Variants in SNED1 observed in about 807,000 individuals in gnomAD.
SNED1 encodes the protein sushi, nidogen and EGF like domains 1.
SNED1 carries 81 observed loss-of-function variants against 166.7 expected under a neutral mutation model. The ratio of observed to expected loss-of-function variants is 0.49; its 90% CI spans 0.41 to 0.58. The LOEUF is 0.58. Ranked by LOEUF, SNED1 falls within the 20% of genes least tolerant of loss-of-function variation. SNED1 has a pLI of 0.00. For missense variants in SNED1, 1,604 were observed against 2,000.2 expected (o/e 0.80, Z 3.78); for synonymous variants, 762 against 822.0 (o/e 0.93, Z 1.25).
chr2:241,089,181 T>C (rs1187704332), intron 31 of SNED1: 1 of 1,022,590 alleles, frequency 9.8e-7, no homozygotes, highest in East Asian at 2.7e-5. Context: ...ACCAGTTTCA[T>C]ACTGACCATC....
Position 241,048,665 on chromosome 2 carries a change from TCC to T in SNED1, c.1406_1407del (p.Pro469ArgfsTer2). 6.2e-7 allele frequency: 1 copy of T among 1,608,266 alleles called. No individual in the cohort carries two copies. The highest frequency in any genetic ancestry group is 1.1e-5 in the South Asian group (1 of 89,628). ...CTCCTCCCTCTCTTCGTGGCAGGAG[TCC>T]CCGATGACTGTGAGTGCCGCAACGG... On this transcript the variant is annotated frameshift_variant, in exon 10 of 32. Coordinates refer to ENST00000310397, the MANE Select transcript of SNED1 (RefSeq NM_001080437.3). LOFTEE classifies it high-confidence loss of function.
rs141270290 is a variant in SNED1 at position 241,087,698 on chromosome 2, T to TGG, written c.4205+230_4205+231dup. 2.9e-6 allele frequency: 4 copies of TGG among 1,364,186 alleles called. No homozygotes were observed. In the African/African-American group the frequency reaches 5.9e-5, roughly 20 times the overall value. 84.5% of individuals were successfully genotyped at this position (1,364,186 alleles called of 1,614,324 possible). On this transcript the variant is annotated intron_variant, in intron 30 of 31. Transcript: ENST00000310397. The stretch of plus-strand genomic sequence containing the variant: ...GGGCACAGCCGGGCATGCTGGGTGC[T>TGG]GGGGGGGGTCACTCTGGTTATGCAT...
chr2:241,066,371 T>C (rs999832770), intron 21 of SNED1, among the ~76,000 whole-genome samples: 1 of 152,074 alleles, frequency 6.6e-6, no homozygotes, highest in Non-Finnish European at 1.5e-5. Context: ...AACATGGCAG[T>C]GGACGGACAG....
In SNED1 at chr2:241,040,278, C is replaced by T; in HGVS notation, c.1160-22C>T. On this transcript the variant is annotated intron_variant, in intron 7 of 31. Transcript: ENST00000310397. ...GGTTGTGGCCTGGCTCAAGCCAAGC[C>T]CGCACCTCTGCTGCCCCTCAGATGT... 1.9e-6 allele frequency: 3 copies of T among 1,583,530 alleles called. No individual in the cohort carries two copies. In the South Asian group the frequency reaches 3.5e-5, roughly 18 times the overall value.
In SNED1 at chr2:241,073,701, C is replaced by G. The variant is rs979631495; in HGVS notation, c.3916+337C>G. On this transcript the variant is annotated intron_variant, in intron 27 of 31. Transcript: ENST00000310397. This position sits in a 1 kb window ranked among gnomAD's most constrained non-coding sequence, Gnocchi z 6.6. Reference sequence around the variant, plus strand: ...GCCCACCCCAGCCCCTGCCTCTGGGCCCCTCACCCCTCACTTCTCCAAAGA... The same window carrying G: ...GCCCACCCCAGCCCCTGCCTCTGGGGCCCTCACCCCTCACTTCTCCAAAGA... 4 of 454,758 alleles carry G rather than the reference C, an allele frequency of 8.8e-6. No individual in the cohort carries two copies. The highest frequency in any genetic ancestry group is 3.7e-5 in the Admixed American group (1 of 27,166). 28.2% of individuals were successfully genotyped at this position (454,758 alleles called of 1,614,324 possible).
At chr2:241,070,685 G>C (rs1016415944) in intron 24 of SNED1, among the ~76,000 whole-genome samples, 23 of 152,228 alleles carry the variant, frequency 1.5e-4, no homozygotes, top group Non-Finnish European at 7.3e-5. Flanking sequence ...GGGGACAGAT[G>C]CTCCGAAGGG....
Position 241,051,786 on chromosome 2 carries a change from G to A in SNED1, c.1778G>A (p.Gly593Asp). 2 of 1,555,570 alleles carry A rather than the reference G, an allele frequency of 1.3e-6. No homozygotes were observed. The highest frequency in any genetic ancestry group is 2.4e-5 in the East Asian group (1 of 41,850). ...LCSSGPCRNG[G>D]TCKEAGGEYH... is the part of the protein sequence containing the mutation. ...AGCTCAGGGCCCTGCCGGAACGGGG[G>A]CACGTGCAAGGAGGCGGGCGGCGAG... Residue 593 changes from glycine (G) to aspartate (D), a missense_variant, in exon 13 of 32, where the codon GGC becomes GAC. Gly to Asp is a moderately conservative substitution (Grantham distance 94). Coordinates refer to ENST00000310397, the MANE Select transcript of SNED1 (RefSeq NM_001080437.3). The surrounding 1 kb of genome is among the most constrained non-coding windows in gnomAD (Gnocchi z 4.7).
In SNED1 at chr2:241,034,708, C is replaced by T. The variant is rs2061291491; in HGVS notation, c.783C>T (p.Arg261=). The change falls in exon 4 of 32, where the codon CGC becomes CGT. Residue 261 remains arginine (R), a synonymous_variant. Coordinates refer to ENST00000310397, the MANE Select transcript of SNED1 (RefSeq NM_001080437.3). ...WAFRIDDAQV[R]VGGCGHTTSV... is the part of the protein sequence containing the mutation. ...TCAGAATCGATGATGCCCAGGTGCG[C>T]GTGGGGGGCTGCGGCCATACAAGTA... 2 of 1,583,332 alleles carry T rather than the reference C, an allele frequency of 1.3e-6. No homozygotes were observed. Among genetic ancestry groups the T allele is most frequent in the Non-Finnish European group, 1.7e-6 (2 of 1,165,384 alleles).
Position 241,064,090 on chromosome 2 carries a change from G to A in SNED1, c.2564G>A (p.Cys855Tyr). The A allele has an allele frequency of 6.4e-7, 1 of 1,568,862 alleles. No homozygotes were observed. Residue 855 changes from cysteine (C) to tyrosine (Y), a missense_variant, in exon 19 of 32, where the codon TGC (cysteine) becomes TAC (tyrosine). Physicochemically the swap from Cys to Tyr is radical, Grantham distance 194. Around this residue, in one of 2 missense-constraint regions of SNED1, gnomAD observed 1,237 missense variants for 1,620.8 expected, o/e 0.76. Coordinates refer to ENST00000310397, the MANE Select transcript of SNED1 (RefSeq NM_001080437.3). The surrounding 1 kb of genome is among the most constrained non-coding windows in gnomAD (Gnocchi z 7.0). ...GGCGGCGGGGCCTACCTGTGCGTCT[G>A]CCCAGAGAGCTTCTTCGGCTACCAC... Reference protein sequence around the residue: ...ESGGGAYLCVCPESFFGYHCE... With the variant: ...ESGGGAYLCVYPESFFGYHCE...
chr2:241,038,292 A>G (rs2061432463), intron 6 of SNED1, among the ~76,000 whole-genome samples: 2 of 152,348 alleles, frequency 1.3e-5, no homozygotes, highest in East Asian at 1.9e-4. Flanking sequence ...GAAAAAAACA[A>G]TTCTTATCAG....
intron 30 of SNED1, chr2:241,088,003 A>G (rs2063672397): frequency 2.6e-6 from 1 of 391,196 alleles, no homozygotes; most frequent in Non-Finnish European, 4.5e-6. Flanking sequence ...GGCATTACCA[A>G]GTGTCCGGGC....
chr2:241,017,866 G>T (rs1181205420), intron 1 of SNED1, among the ~76,000 whole-genome samples: 1 of 152,190 alleles, frequency 6.6e-6, no homozygotes. Flanking sequence ...TATCCCTGTG[G>T]CCCATGCAAG....
At chr2:241,085,196 T>G (rs1467302619) in intron 29 of SNED1, among the ~76,000 whole-genome samples, 1 of 152,204 alleles carries the variant, frequency 6.6e-6, no homozygotes, top group Non-Finnish European at 1.5e-5. Context: ...CTTCATATAT[T>G]TTTCCTGTCC....
At position 241,062,921 on chromosome 2, in the gene SNED1, C is replaced by T; in HGVS notation, c.2371+17C>T. 2 of 1,509,500 alleles carry T rather than the reference C, an allele frequency of 1.3e-6. No homozygotes were observed. The highest frequency in any genetic ancestry group is 1.4e-5 in the African/African-American group (1 of 73,152). 93.5% of individuals were successfully genotyped at this position (1,509,500 alleles called of 1,614,324 possible). On this transcript the variant is annotated intron_variant, in intron 17 of 31. Coordinates refer to ENST00000310397, the MANE Select transcript of SNED1 (RefSeq NM_001080437.3). ...GTGAGCTGGGTAAGAGGGGCCCTGG[C>T]CCCGCTGGGGTGACAGCTGCAGCAC... is the stretch of plus-strand genomic sequence containing the variant.
Position 241,049,894 on chromosome 2 carries a change from G to A in SNED1, c.1696G>A (p.Glu566Lys), listed in dbSNP as rs200614925. Residue 566 changes from glutamate to lysine, a missense_variant, in exon 12 of 32, where the codon GAG (glutamate) becomes AAG (lysine). Glu to Lys is a moderately conservative substitution (Grantham distance 56). Coordinates refer to ENST00000310397, the MANE Select transcript of SNED1 (RefSeq NM_001080437.3). The part of the protein sequence containing the change: ...CDAHDDSYTC[E>K]CPRGFHGKHC... ...TGCCCATGACGACTCCTACACCTGC[G>A]AGTGCCCGCGCGGGTTCCACGGCAA... The A allele has an allele frequency of 2.0e-5, 33 of 1,613,782 alleles. No homozygotes were observed. The highest frequency in any genetic ancestry group is 8.3e-5 in the Admixed American group (5 of 60,020).
At chr2:241,082,950 A>C (rs2063400014) in intron 29 of SNED1, among the ~76,000 whole-genome samples, 1 of 151,802 alleles carries the variant, frequency 6.6e-6, no homozygotes, top group East Asian at 1.9e-4. Flanking sequence ...CAGATGACTT[A>C]CTGAGTACCT....
Position 241,073,486 on chromosome 2 carries a change from G to T in SNED1, c.3916+122G>T, listed in dbSNP as rs955199780. 2 of 820,636 alleles carry T rather than the reference G, an allele frequency of 2.4e-6. No homozygotes were observed. Among genetic ancestry groups the T allele is most frequent in the Non-Finnish European group, 4.1e-6 (2 of 487,036 alleles). 50.8% of individuals were successfully genotyped at this position (820,636 alleles called of 1,614,324 possible). ...CAGGAGGCACAGAGCCTACCTGAGG[G>T]GAGGCTGAGCACCAGGCACCCCGGT... On this transcript the variant is annotated intron_variant, in intron 27 of 31. Coordinates refer to ENST00000310397, the MANE Select transcript of SNED1 (RefSeq NM_001080437.3). The surrounding 1 kb of genome is among the most constrained non-coding windows in gnomAD (Gnocchi z 6.6).
At chr2:241,072,529 C>T (rs544823060) in intron 26 of SNED1, 1 of 330,686 alleles carries the variant, frequency 3.0e-6, no homozygotes, top group South Asian at 2.4e-5. Context: ...AACTCCCCAA[C>T]AGAGCCTAGT....
intron 12 of SNED1, 62 bp downstream of exon 12, chr2:241,049,995 G>T (rs776160743): frequency 1.7e-6 from 2 of 1,209,706 alleles, no homozygotes; most frequent in South Asian, 2.4e-5. Flanking sequence ...GCGGTCCGCC[G>T]TCCTGCTTCT....
Sources: allele counts gnomAD v4.1 joint callset (sites outside exome capture counted in the v4.1 genomes callset), GRCh38; gene constraint gnomAD v4.1.1; regional missense constraint gnomAD v4.1.1; non-coding constraint Gnocchi (gnomAD v3.1); transcripts MANE v1.5; gene names NCBI Gene and HGNC (gene_info 2026-07-23, HGNC 2026-07-21).